CNTN5: variants seen among roughly 807,000 people sequenced by gnomAD.
The protein encoded by CNTN5 is contactin-5.
A neutral mutation model predicts 129.1 loss-of-function variants in CNTN5; 77 were observed. The observed-to-expected ratio is 0.60, with a 90% CI of 0.50 to 0.72. The LOEUF is 0.72. CNTN5 is among the 30% of genes least tolerant of loss of function. CNTN5 has a pLI of 0.00. For missense variants in CNTN5, 1,478 were observed against 1,328.8 expected (o/e 1.11, Z -1.75); for synonymous variants, 509 against 465.6 (o/e 1.09, Z -1.20).
chr11:100,109,233 C>G (rs573251480), intron 13 of CNTN5, among the ~76,000 whole-genome samples: 1 of 152,308 alleles, frequency 6.6e-6, no homozygotes, highest in East Asian at 1.9e-4. Flanking sequence ...CGAGACCAGC[C>G]TGGCCAACAT....
intron 1 of CNTN5, among the ~76,000 whole-genome samples, chr11:99,124,531 A>G (rs1858520832): frequency 6.6e-6 from 1 of 152,048 alleles, no homozygotes; most frequent in East Asian, 1.9e-4. Flanking sequence ...TCTCCAATTA[A>G]CAATTTAACA....
At chr11:99,475,692 TG>T (rs1290762812) in intron 2 of CNTN5, among the ~76,000 whole-genome samples, 1 of 152,110 alleles carries the variant, frequency 6.6e-6, no homozygotes, top group Admixed American at 6.6e-5. Flanking sequence ...AATATTATAT[TG>T]GTTTTTATTT....
At chr11:99,917,533 G>T (rs1475614693) in intron 7 of CNTN5, among the ~76,000 whole-genome samples, 1 of 152,094 alleles carries the variant, frequency 6.6e-6, no homozygotes, top group Non-Finnish European at 1.5e-5. Flanking sequence ...AAGGGGAAAA[G>T]AAGGGGAAGG....
intron 1 of CNTN5, among the ~76,000 whole-genome samples, chr11:99,067,395 T>C (rs1196180176): frequency 6.7e-6 from 1 of 148,450 alleles, no homozygotes; most frequent in East Asian, 2.0e-4. Context: ...TGGAGACATG[T>C]GCAAGGGAAG....
chr11:99,531,876 G>A (rs1325886180), intron 2 of CNTN5, among the ~76,000 whole-genome samples: 2 of 152,198 alleles, frequency 1.3e-5, no homozygotes, highest in Non-Finnish European at 2.9e-5. Flanking sequence ...TCCTGTAGGG[G>A]CGGGGCCCTA....
intron 2 of CNTN5, among the ~76,000 whole-genome samples, chr11:99,340,640 T>C (rs1420585362): frequency 2.0e-5 from 3 of 152,194 alleles, no homozygotes; most frequent in African/African-American, 2.4e-5. Context: ...GTAGAAGTTA[T>C]GGTTGAACTG....
chr11:99,443,007 T>A (rs1237597744), intron 2 of CNTN5, among the ~76,000 whole-genome samples: 4 of 152,248 alleles, frequency 2.6e-5, no homozygotes, highest in Non-Finnish European at 5.9e-5. Flanking sequence ...TGTCTAGCAC[T>A]GTGTTATTTA....
intron 1 of CNTN5, among the ~76,000 whole-genome samples, chr11:99,236,388 GTTATT>G (rs1169495461): frequency 2.6e-5 from 4 of 151,944 alleles, no homozygotes; most frequent in Admixed American, 1.3e-4. Flanking sequence ...CTAGCCTTGT[GTTATT>G]TTAAATAATA....
intron 2 of CNTN5, among the ~76,000 whole-genome samples, chr11:99,423,629 T>C (rs1439033465): frequency 6.6e-6 from 1 of 152,254 alleles, no homozygotes; most frequent in African/African-American, 2.4e-5. Context: ...TAGTAATACC[T>C]ACATTAGTGC....
chr11:99,516,263 T>A (rs1218329512), intron 2 of CNTN5, among the ~76,000 whole-genome samples: 1 of 152,126 alleles, frequency 6.6e-6, no homozygotes, highest in South Asian at 2.1e-4. Flanking sequence ...TCCAGTGGTA[T>A]ATGTTCTAAT....
intron 3 of CNTN5, among the ~76,000 whole-genome samples, chr11:99,725,378 C>T (rs1284186740): frequency 6.6e-6 from 1 of 151,882 alleles, no homozygotes; most frequent in Admixed American, 6.6e-5. Context: ...TATGAAGATA[C>T]TATTTTTAAC....
chr11:99,189,152 A>G (rs12364677), intron 1 of CNTN5, among the ~76,000 whole-genome samples: 2 of 151,702 alleles, frequency 1.3e-5, no homozygotes, highest in Non-Finnish European at 3.0e-5. Flanking sequence ...CATGTTACAC[A>G]AATAACAGGA....
chr11:99,668,695 GA>G (rs1220309765), intron 3 of CNTN5, among the ~76,000 whole-genome samples: 1 of 152,112 alleles, frequency 6.6e-6, no homozygotes, highest in East Asian at 1.9e-4. Context: ...TTGGGAGGCC[GA>G]GGTGCGCAGA....
intron 1 of CNTN5, among the ~76,000 whole-genome samples, chr11:99,190,890 G>T (rs944591656): frequency 6.6e-6 from 1 of 151,560 alleles, no homozygotes; most frequent in Non-Finnish European, 1.5e-5. Flanking sequence ...TTGAATAGAA[G>T]TAGTGAGAAT....
chr11:100,110,758 G>A (rs1456026476), intron 13 of CNTN5, among the ~76,000 whole-genome samples: 1 of 152,178 alleles, frequency 6.6e-6, no homozygotes, highest in Non-Finnish European at 1.5e-5. Flanking sequence ...TTTAGAATCA[G>A]AGATTGATAG....
At chr11:100,302,509 C>T (rs1344516368) in intron 20 of CNTN5, among the ~76,000 whole-genome samples, 1 of 151,570 alleles carries the variant, frequency 6.6e-6, no homozygotes, top group Non-Finnish European at 1.5e-5. Context: ...AGTGAGACTG[C>T]CTTACTATTT....
chr11:99,204,208 C>T (rs998261664), intron 1 of CNTN5, among the ~76,000 whole-genome samples: 1 of 152,152 alleles, frequency 6.6e-6, no homozygotes, highest in African/African-American at 2.4e-5. Flanking sequence ...GATAAAACAT[C>T]ACAATTCAAA....
chr11:99,821,583 T>C (rs1281375666), intron 4 of CNTN5, among the ~76,000 whole-genome samples: 2 of 152,166 alleles, frequency 1.3e-5, no homozygotes, highest in African/African-American at 4.8e-5. Flanking sequence ...GCAAGTGACC[T>C]GAACATTACT....
intron 1 of CNTN5, among the ~76,000 whole-genome samples, chr11:99,124,334 G>A (rs898599532): frequency 6.6e-6 from 1 of 151,998 alleles, no homozygotes. Flanking sequence ...AAACTTAGAT[G>A]TTCTTGGTTT....
Sources: allele counts gnomAD v4.1 joint callset (sites outside exome capture counted in the v4.1 genomes callset), GRCh38; gene constraint gnomAD v4.1.1; transcripts MANE v1.5; gene names NCBI Gene and HGNC (gene_info 2026-07-23, HGNC 2026-07-21).